The following CRACD variants were observed in gnomAD, a reference collection of about 807,000 sequenced individuals.
CRACD encodes capping protein inhibiting regulator of actin dynamics.
CRACD carries 56 observed loss-of-function variants against 106.8 expected under a neutral mutation model. The ratio of observed to expected loss-of-function variants is 0.52; its 90% CI spans 0.42 to 0.66. The LOEUF (loss-of-function observed/expected upper bound fraction) is 0.66, where lower values mean the gene tolerates loss of function less well. Ranked by LOEUF, CRACD falls within the 30% of genes least tolerant of loss-of-function variation. The pLI, the probability that CRACD is intolerant of heterozygous loss-of-function variation, is 0.00. For missense variants in CRACD, 1,730 were observed against 1,623.2 expected, an observed-to-expected ratio of 1.07 and a Z score of -1.13; for synonymous variants, 754 against 670.8, an observed-to-expected ratio of 1.12 and a Z score of -1.92.
chr4:56,070,587 C>T (rs372959780), intron 1 of CRACD, among the ~76,000 whole-genome samples: 100 of 151,990 alleles, frequency 6.6e-4, no homozygotes, highest in African/African-American at 2.3e-3. Flanking sequence ...TTGCCCGGCC[C>T]GAGTCCTTGC....
intron 2 of CRACD, among the ~76,000 whole-genome samples, chr4:56,199,410 G>A (rs188360767): frequency 6.6e-6 from 1 of 152,190 alleles, no homozygotes; most frequent in Non-Finnish European, 1.5e-5. Flanking sequence ...CTGCCTGGGC[G>A]CAGTGGCTCA....
chr4:56,110,425 T>G (rs1323258639), intron 1 of CRACD, among the ~76,000 whole-genome samples: 1 of 151,980 alleles, frequency 6.6e-6, no homozygotes, highest in Non-Finnish European at 1.5e-5. Flanking sequence ...GCATTTACCA[T>G]GAAAGTGAGG....
At chr4:56,145,430 G>A (rs1735348277) in intron 1 of CRACD, among the ~76,000 whole-genome samples, 1 of 151,870 alleles carries the variant, frequency 6.6e-6, no homozygotes, top group African/African-American at 2.4e-5. Flanking sequence ...TAAGTAGAAG[G>A]TTTAGTATGT....
At chr4:56,133,586 A>T (rs900723955) in intron 1 of CRACD, among the ~76,000 whole-genome samples, 5 of 152,190 alleles carry the variant, frequency 3.3e-5, no homozygotes, top group African/African-American at 1.2e-4. Flanking sequence ...AGTGGAAGAG[A>T]TACACTAGTT....
chr4:56,131,626 CA>C (rs1201126104), intron 1 of CRACD, among the ~76,000 whole-genome samples: 1 of 152,152 alleles, frequency 6.6e-6, no homozygotes, highest in African/African-American at 2.4e-5. Context: ...GACACTGTTC[CA>C]AACCTTCCTT....
At chr4:56,324,872 C>T (rs6554345) in intron 10 of CRACD, among the ~76,000 whole-genome samples, 80,359 of 151,954 alleles carry the variant, frequency 0.53, 21,559 homozygotes, top group Admixed American at 0.63. Flanking sequence ...CTGTTTCCTT[C>T]AAAACTACAA....
chr4:56,291,416 A>G (rs1010279980), intron 3 of CRACD, among the ~76,000 whole-genome samples: 1 of 152,192 alleles, frequency 6.6e-6, no homozygotes, highest in African/African-American at 2.4e-5. Flanking sequence ...TGGTTCCACC[A>G]AGCTCTGTGT....
At chr4:56,122,378 A>C (rs2109855362) in intron 1 of CRACD, among the ~76,000 whole-genome samples, 1 of 152,236 alleles carries the variant, frequency 6.6e-6, no homozygotes, top group Non-Finnish European at 1.5e-5. Context: ...GGGAAGGGGA[A>C]AAAGAAGCAA....
chr4:56,091,963 G>A (rs1054131749), intron 1 of CRACD, among the ~76,000 whole-genome samples: 3 of 152,126 alleles, frequency 2.0e-5, no homozygotes, highest in South Asian at 2.1e-4. Context: ...CGGGAGACTC[G>A]CTTGAGGCCA....
At chr4:56,239,545 C>G (rs1356968810) in intron 2 of CRACD, among the ~76,000 whole-genome samples, 2 of 151,980 alleles carry the variant, frequency 1.3e-5, no homozygotes, top group East Asian at 1.9e-4. Context: ...AGAGAGCCAT[C>G]AAAACCTCCC....
rs374373453 is a variant in CRACD, at chr4:56,314,824, A to G, written c.1322A>G (p.Gln441Arg). 11 of 1,610,504 alleles carry G rather than the reference A, an allele frequency of 6.8e-6. No individual in the cohort carries two copies. The highest frequency in any genetic ancestry group is 4.5e-5 in the East Asian group (2 of 44,716). The change falls in exon 8 of 11, where the codon CAA (glutamine) becomes CGA (arginine). Residue 441 changes from glutamine (Q) to arginine (R), a missense_variant. Gln to Arg is a conservative substitution (Grantham distance 43, BLOSUM62 1). Transcript: ENST00000682029. This position sits in a 1 kb window ranked among gnomAD's most constrained non-coding sequence, Gnocchi z 4.4. ...CAGGAACGCCTGAAACCCGAAGGAC[A>G]AAGAGAACACTCCGAGGAGCCAGGT... ...EDQERLKPEGQREHSEEPGIC... is the reference protein window; with the variant it reads ...EDQERLKPEGRREHSEEPGIC...
chr4:56,132,110 C>A (rs1734843552), intron 1 of CRACD, among the ~76,000 whole-genome samples: 1 of 151,962 alleles, frequency 6.6e-6, no homozygotes, highest in Non-Finnish European at 1.5e-5. Flanking sequence ...AGTGGTGCAA[C>A]CACAGCTCCT....
chr4:56,290,817 G>T (rs374192280), intron 3 of CRACD, among the ~76,000 whole-genome samples: 1 of 152,224 alleles, frequency 6.6e-6, no homozygotes, highest in East Asian at 1.9e-4. Flanking sequence ...CAATCCAAAG[G>T]GACCATTTTT....
intron 1 of CRACD, among the ~76,000 whole-genome samples, chr4:56,119,522 A>T (rs1028269303): frequency 2.4e-4 from 36 of 151,124 alleles, no homozygotes; most frequent in African/African-American, 8.5e-4. Context: ...TTTTGTAGAG[A>T]TGATGTCTCG....
intron 1 of CRACD, among the ~76,000 whole-genome samples, chr4:56,067,330 G>C (rs1427179622): frequency 6.6e-6 from 1 of 152,198 alleles, no homozygotes; most frequent in Non-Finnish European, 1.5e-5. Flanking sequence ...TGGGCGGCTA[G>C]TGCGACTTTG....
At chr4:56,069,286 G>A (rs1732558340) in intron 1 of CRACD, among the ~76,000 whole-genome samples, 1 of 152,222 alleles carries the variant, frequency 6.6e-6, no homozygotes, top group African/African-American at 2.4e-5. Context: ...AGACATTGGC[G>A]TGTCCATGTT....
intron 1 of CRACD, among the ~76,000 whole-genome samples, chr4:56,121,623 G>A (rs928596599): frequency 2.0e-5 from 3 of 151,578 alleles, no homozygotes; most frequent in East Asian, 2.0e-4. Context: ...CAGCCTGGGC[G>A]ACAGAGCAAG....
rs930696554 is a variant in CRACD at position 56,327,983 on chromosome 4, C to G, written c.*179C>G. On this transcript the variant is annotated 3_prime_UTR_variant, in exon 11 of 11. Coordinates refer to ENST00000682029, the MANE Select transcript of CRACD (RefSeq NM_001393381.1). ...GTTCATTGTAAAGAGTGGATTTGCACAACCCTAGGTCCTGGTGCCTCGAGC... is the reference window on the plus strand; with the variant it reads ...GTTCATTGTAAAGAGTGGATTTGCAGAACCCTAGGTCCTGGTGCCTCGAGC... 2.1e-5 allele frequency: 12 copies of G among 572,642 alleles called. No homozygotes were observed. The highest frequency in any genetic ancestry group is 3.2e-5 in the Admixed American group (1 of 30,870). 35.5% of individuals were successfully genotyped at this position (572,642 alleles called of 1,614,324 possible).
At chr4:56,251,540 T>C (rs1261459993) in intron 2 of CRACD, among the ~76,000 whole-genome samples, 1 of 152,242 alleles carries the variant, frequency 6.6e-6, no homozygotes. Context: ...TATGAGTATT[T>C]AGGTTATACT....
Sources: gnomAD v4.1 joint callset for allele counts (sites outside exome capture counted in the v4.1 genomes callset) on GRCh38, gnomAD v4.1.1 for gene constraint, Gnocchi (gnomAD v3.1) non-coding constraint, MANE v1.5 for transcripts, NCBI Gene and HGNC (gene_info 2026-07-23, HGNC 2026-07-21) for gene names.